Variants in SLIT2 observed in about 807,000 individuals in gnomAD.
SLIT2 encodes the protein slit guidance ligand 2.
A neutral mutation model predicts 185.7 loss-of-function variants in SLIT2; 41 were observed. The ratio of observed to expected loss-of-function variants is 0.22; its 90% CI spans 0.17 to 0.29. SLIT2 has a LOEUF of 0.29. Ranked by LOEUF, SLIT2 falls within the 10% of genes least tolerant of loss-of-function variation. SLIT2 has a pLI of 1.00. For synonymous variants in SLIT2, 693 were observed against 680.2 expected, an observed-to-expected ratio of 1.02 and a Z score of -0.29; for missense variants, 1,571 against 1,909.0, an observed-to-expected ratio of 0.82 and a Z score of 3.30.
chr4:20,299,449 A>G (rs1012960123), intron 4 of SLIT2, among the ~76,000 whole-genome samples: 18 of 152,296 alleles, frequency 1.2e-4, no homozygotes, highest in East Asian at 7.7e-4. Context: ...AAAGAAATCA[A>G]TGCTATTTGT....
chr4:20,351,133 C>T (rs1443029593), intron 4 of SLIT2, among the ~76,000 whole-genome samples: 18 of 151,620 alleles, frequency 1.2e-4, no homozygotes, highest in African/African-American at 4.4e-4. Flanking sequence ...ACTGCAACCT[C>T]CGCCTCCTGG....
intron 29 of SLIT2, among the ~76,000 whole-genome samples, chr4:20,588,294 T>G (rs1490124577): frequency 1.3e-5 from 2 of 152,242 alleles, no homozygotes; most frequent in Non-Finnish European, 2.9e-5. Context: ...ACTAGATGAA[T>G]ACATTTATTA....
At chr4:20,268,955 T>C (rs958083082) in intron 4 of SLIT2, 74 bp downstream of exon 4, 126 of 899,980 alleles carry the variant, frequency 1.4e-4, no homozygotes, top group Non-Finnish European at 1.8e-4. Flanking sequence ...TGGATCTGTT[T>C]GTGTGTGCTT....
chr4:20,383,521 T>C (rs1044678196), intron 4 of SLIT2, among the ~76,000 whole-genome samples: 4 of 152,128 alleles, frequency 2.6e-5, no homozygotes, highest in Admixed American at 6.6e-5. Context: ...GATATACCAC[T>C]AAGCACACAC....
intron 11 of SLIT2, among the ~76,000 whole-genome samples, 180 bp from the exon 12 acceptor site, chr4:20,519,202 A>G (rs1577841356): frequency 6.6e-6 from 1 of 152,212 alleles, no homozygotes. Flanking sequence ...TACAGTAAGC[A>G]TATATCTGAT....
chr4:20,387,167 G>A (rs910969257), intron 4 of SLIT2, among the ~76,000 whole-genome samples: 1 of 152,158 alleles, frequency 6.6e-6, no homozygotes, highest in African/African-American at 2.4e-5. Context: ...GCTGGTGTGA[G>A]ACCCACTAGA....
chr4:20,360,329 C>T (rs771989226), intron 4 of SLIT2, among the ~76,000 whole-genome samples: 2 of 152,012 alleles, frequency 1.3e-5, no homozygotes, highest in Admixed American at 6.6e-5. Flanking sequence ...AGAGGTAAGT[C>T]GTTTGTCATT....
At chr4:20,260,186 C>T (rs1413175155) in intron 3 of SLIT2, among the ~76,000 whole-genome samples, 1 of 151,728 alleles carries the variant, frequency 6.6e-6, no homozygotes, top group African/African-American at 2.4e-5. Context: ...ACTGCTATGG[C>T]CTGTGGTATA....
intron 4 of SLIT2, among the ~76,000 whole-genome samples, chr4:20,410,254 T>C (rs1727128395): frequency 7.4e-6 from 1 of 135,236 alleles, no homozygotes; most frequent in African/African-American, 2.7e-5. Context: ...TTTTTTTTTT[T>C]TTTTTTTTTT....
At chr4:20,562,498 T>C (rs1030414199) in intron 26 of SLIT2, among the ~76,000 whole-genome samples, 2 of 151,768 alleles carry the variant, frequency 1.3e-5, no homozygotes, top group Admixed American at 6.6e-5. Context: ...TTCTAAGACA[T>C]GCATTCTCAT....
intron 4 of SLIT2, among the ~76,000 whole-genome samples, chr4:20,408,968 T>G (rs934511670): frequency 6.6e-6 from 1 of 151,890 alleles, no homozygotes; most frequent in African/African-American, 2.4e-5. Flanking sequence ...CATATGCACT[T>G]GTGCTCATAT....
Position 20,553,881 on chromosome 4 carries a change from G to A in SLIT2, c.2638G>A (p.Glu880Lys), listed in dbSNP as rs1230381134. The A allele has an allele frequency of 6.2e-7, 1 of 1,612,606 alleles. No homozygotes were observed. Among genetic ancestry groups the A allele is most frequent in the South Asian group, 1.1e-5 (1 of 90,718 alleles). ...LSDWVKSEYK[E>K]PGIARCAGPG... ...CGACTGGGTGAAGTCGGAATATAAG[G>A]AGCCTGGAATTGCTCGTTGTGCTGG... The change falls in exon 26 of 37, where the codon GAG becomes AAG. Residue 880 changes from glutamate to lysine, a missense_variant. Transcript: ENST00000504154.
At chr4:20,325,130 C>T (rs181693097) in intron 4 of SLIT2, among the ~76,000 whole-genome samples, 276 of 151,900 alleles carry the variant, frequency 1.8e-3, no homozygotes, top group Admixed American at 0.014. Flanking sequence ...CCCTCTAACC[C>T]TGTCCTTCCT....
rs1722229059 is a variant in SLIT2 at position 20,253,844 on chromosome 4, C to G, written c.29C>G (p.Ser10Cys). 8 of 1,599,908 alleles carry G rather than the reference C, an allele frequency of 5.0e-6. No homozygotes were observed. Among genetic ancestry groups the G allele is most frequent in the Non-Finnish European group, 6.8e-6 (8 of 1,179,850 alleles). The change falls in exon 1 of 37, where the codon TCC becomes TGC. Residue 10 changes from serine (S) to cysteine (C), a missense_variant. This residue lies in a region of SLIT2 where 1,202 missense variants were observed against 1,416.4 expected (regional missense o/e 0.85). Coordinates refer to ENST00000504154, the MANE Select transcript of SLIT2 (RefSeq NM_004787.4). Reference protein sequence around the residue: MRGVGWQMLSLSLGLVLAIL... With the variant: MRGVGWQMLCLSLGLVLAIL... ...CGCGGCGTTGGCTGGCAGATGCTGT[C>G]CCTGTCGCTGGGGTTAGTGCTGGCG...
intron 4 of SLIT2, among the ~76,000 whole-genome samples, chr4:20,325,573 A>C (rs1210720791): frequency 1.3e-5 from 2 of 152,146 alleles, no homozygotes; most frequent in African/African-American, 4.8e-5. Flanking sequence ...AAATTTTTAC[A>C]TCAGATTACC....
chr4:20,445,997 A>G (rs1312446557), intron 4 of SLIT2, among the ~76,000 whole-genome samples: 2 of 152,110 alleles, frequency 1.3e-5, no homozygotes, highest in African/African-American at 4.8e-5. Flanking sequence ...AGCACTGTTC[A>G]TTTCCTCTTG....
rs906363244 is a variant in SLIT2 at position 20,596,317 on chromosome 4, C to T, written c.3321-98C>T. 1.3e-5 allele frequency: 15 copies of T among 1,130,606 alleles called. No individual in the cohort carries two copies. The African/African-American group carries it at 2.0e-4, about 15-fold the overall frequency. The allele number at this position is 1,130,606 out of a possible 1,614,324, so 70.0% of individuals were successfully genotyped here. A position where few individuals can be genotyped will look rare whatever the true frequency, so the allele number is the denominator to read the frequency against. ...TGAAAACTGGAAAAACAAGGAAGTG[C>T]ACATATATAATATACAGTTATGTTA... On this transcript the variant is annotated intron_variant, in intron 31 of 36. Coordinates refer to ENST00000504154, the MANE Select transcript of SLIT2 (RefSeq NM_004787.4).
At chr4:20,406,313 A>C (rs1341839117) in intron 4 of SLIT2, among the ~76,000 whole-genome samples, 1 of 144,108 alleles carries the variant, frequency 6.9e-6, no homozygotes, top group African/African-American at 2.4e-5. Flanking sequence ...GAGAAACTCA[A>C]CTTTATTAAA....
chr4:20,396,921 A>G (rs1013115377), intron 4 of SLIT2, among the ~76,000 whole-genome samples: 2 of 150,090 alleles, frequency 1.3e-5, no homozygotes, highest in African/African-American at 4.9e-5. Context: ...GTAAATTTAT[A>G]TAAATTTTAC....
Sources: gnomAD v4.1 joint callset for allele counts (sites outside exome capture counted in the v4.1 genomes callset) on GRCh38, gnomAD v4.1.1 for gene constraint, gnomAD v4.1.1 regional missense constraint, MANE v1.5 for transcripts, NCBI Gene and HGNC (gene_info 2026-07-23, HGNC 2026-07-21) for gene names.